Variants in USP49 observed in about 807,000 individuals in gnomAD.
USP49 encodes ubiquitin carboxyl-terminal hydrolase 49.
In USP49, 24 loss-of-function variants were observed where a neutral mutation model predicts 58.6. The observed-to-expected ratio is 0.41, with a 90% CI of 0.30 to 0.58. USP49 has a LOEUF of 0.58. Ranked by LOEUF, USP49 falls within the 20% of genes least tolerant of loss-of-function variation. The pLI is 0.30. For synonymous variants in USP49, 408 were observed against 365.1 expected, an observed-to-expected ratio of 1.12 and a Z score of -1.34; for missense variants, 703 against 866.1, an observed-to-expected ratio of 0.81 and a Z score of 2.36.
At chr6:41,845,420 T>C (rs1773905359) in intron 3 of USP49, among the ~76,000 whole-genome samples, 1 of 151,734 alleles carries the variant, frequency 6.6e-6, no homozygotes, top group Non-Finnish European at 1.5e-5. Context: ...CTCGGGAGGC[T>C]GAGGCAGGAG....
intron 3 of USP49, among the ~76,000 whole-genome samples, chr6:41,836,989 C>T (rs914836078): frequency 2.0e-5 from 3 of 152,288 alleles, no homozygotes; most frequent in African/African-American, 7.2e-5. Context: ...ATACTCTATG[C>T]TCATGGATAA....
intron 3 of USP49, among the ~76,000 whole-genome samples, chr6:41,847,636 C>T (rs1773946194): frequency 6.6e-6 from 1 of 152,080 alleles, no homozygotes; most frequent in South Asian, 2.1e-4. Context: ...ATCACTTGAA[C>T]CCAGGAGGCG....
chr6:41,839,089 A>G (rs1190669632), intron 3 of USP49, among the ~76,000 whole-genome samples: 1 of 152,192 alleles, frequency 6.6e-6, no homozygotes, highest in Non-Finnish European at 1.5e-5. Context: ...AGAAAAGTTC[A>G]TAGCATTTAA....
intron 3 of USP49, among the ~76,000 whole-genome samples, chr6:41,840,901 CT>C (rs1205394430): frequency 6.6e-6 from 1 of 151,694 alleles, no homozygotes; most frequent in Non-Finnish European, 1.5e-5. Flanking sequence ...ACCTGTAGTC[CT>C]AGCTATGCAG....
intron 3 of USP49, among the ~76,000 whole-genome samples, chr6:41,850,248 G>A (rs1774002264): frequency 6.6e-6 from 1 of 151,940 alleles, no homozygotes; most frequent in African/African-American, 2.4e-5. Flanking sequence ...TTCAAGACCA[G>A]CCTGGCCAAC....
At chr6:41,856,687 C>T (rs2127352911) in intron 3 of USP49, among the ~76,000 whole-genome samples, 1 of 152,302 alleles carries the variant, frequency 6.6e-6, no homozygotes. Flanking sequence ...TCAATGCAGA[C>T]TCCTCCCTTA....
intron 2 of USP49, among the ~76,000 whole-genome samples, chr6:41,886,206 T>C (rs562356897): frequency 7.9e-4 from 120 of 152,334 alleles, no homozygotes; most frequent in African/African-American, 2.6e-3. Flanking sequence ...GTGGTTGTAT[T>C]AGAACATAAA....
At chr6:41,883,746 T>C (rs1327587805) in intron 2 of USP49, among the ~76,000 whole-genome samples, 4 of 152,184 alleles carry the variant, frequency 2.6e-5, no homozygotes. Context: ...ACAATGCTTA[T>C]GGGTATAAGC....
intron 3 of USP49, among the ~76,000 whole-genome samples, chr6:41,812,500 T>C (rs1030133416): frequency 4.6e-5 from 7 of 151,642 alleles, no homozygotes; most frequent in African/African-American, 1.7e-4. Flanking sequence ...GAGACCATCC[T>C]GGATAACACG....
chr6:41,817,618 T>C (rs540264085), intron 3 of USP49, among the ~76,000 whole-genome samples: 2 of 150,048 alleles, frequency 1.3e-5, no homozygotes, highest in South Asian at 4.3e-4. Flanking sequence ...CACCACCATT[T>C]TTCTTTTTTC....
At chr6:41,860,668 C>T (rs920197346) in intron 3 of USP49, among the ~76,000 whole-genome samples, 2 of 115,346 alleles carry the variant, frequency 1.7e-5, no homozygotes, top group African/African-American at 6.9e-5. Flanking sequence ...CCATCACACC[C>T]AGCTAATTTT....
rs752958669 is a variant in USP49 at position 41,791,957 on chromosome 6, T to TC, written c.*4575dup. The stretch of plus-strand genomic sequence containing the variant: ...GTTTTACCCCAAAGATACAACTTCT[T>TC]CACTTATTTAGTTCAGTAATGAGGC... On this transcript the variant is annotated 3_prime_UTR_variant, in exon 8 of 8. Coordinates refer to ENST00000682992, the MANE Select transcript of USP49 (RefSeq NM_001286554.2). The TC allele has an allele frequency of 2.6e-5, 4 of 152,252 alleles. No homozygotes were observed. The highest frequency in any genetic ancestry group is 5.9e-5 in the Non-Finnish European group (4 of 68,040). The allele number at this position is 152,252 out of a possible 1,614,324, so 9.4% of individuals were successfully genotyped here.
chr6:41,832,917 T>C (rs1773659643), intron 3 of USP49: 1 of 152,250 alleles, frequency 6.6e-6, no homozygotes. Flanking sequence ...ATCAGTGCCA[T>C]AGAAATTCAG....
intron 6 of USP49, 35 bp downstream of exon 6, chr6:41,799,795 C>T (rs749455972): frequency 1.3e-6 from 2 of 1,589,392 alleles, no homozygotes; most frequent in Non-Finnish European, 1.7e-6. Context: ...ATTCCCACAG[C>T]TCTCACCCAG....
At chr6:41,805,561 G>T (rs1581992196) in intron 4 of USP49, 67 bp downstream of exon 4, 1 of 1,509,028 alleles carries the variant, frequency 6.6e-7, no homozygotes, top group East Asian at 2.3e-5. Context: ...ATAACCCGGG[G>T]AAGGCACTCA....
chr6:41,857,405 G>A (rs1295278021), intron 3 of USP49, among the ~76,000 whole-genome samples: 1 of 152,162 alleles, frequency 6.6e-6, no homozygotes, highest in East Asian at 1.9e-4. Context: ...AGCACTTTGG[G>A]AGGCCAAGGC....
At chr6:41,835,919 AAT>A (rs1773718174) in intron 3 of USP49, among the ~76,000 whole-genome samples, 1 of 152,040 alleles carries the variant, frequency 6.6e-6, no homozygotes, top group Admixed American at 6.6e-5. Context: ...AAAAATAAAA[AAT>A]AAAAAAATTA....
At chr6:41,845,824 T>C (rs909833239) in intron 3 of USP49, among the ~76,000 whole-genome samples, 1 of 152,204 alleles carries the variant, frequency 6.6e-6, no homozygotes, top group African/African-American at 2.4e-5. Context: ...TTTTAGACTT[T>C]AGGGGATTTT....
At chr6:41,807,060 T>C (rs1195874097) in intron 3 of USP49, 49 bp from the exon 4 acceptor site, 232 of 1,286,008 alleles carry the variant, frequency 1.8e-4, no homozygotes, top group Admixed American at 2.9e-4. Flanking sequence ...AAAACACTTT[T>C]AGAAAAATAT....
Sources: allele counts gnomAD v4.1 joint callset (sites outside exome capture counted in the v4.1 genomes callset), GRCh38; gene constraint gnomAD v4.1.1; transcripts MANE v1.5; gene names NCBI Gene and HGNC (gene_info 2026-07-23, HGNC 2026-07-21).